Variants in LPP observed in about 807,000 individuals in gnomAD.
LPP encodes the protein LIM domain containing preferred translocation partner in lipoma.
In LPP, 38 loss-of-function variants were observed where a neutral mutation model predicts 60.4. That is an observed-to-expected ratio of 0.63 (90% CI 0.49 to 0.83). LPP has a LOEUF of 0.83. Among genes scored for constraint, LPP ranks in the 40% least tolerant of loss-of-function variants. The pLI, the probability that LPP is intolerant of heterozygous loss-of-function variation, is 0.00. For missense variants in LPP, 902 were observed against 783.6 expected, an observed-to-expected ratio of 1.15 and a Z score of -1.80; for synonymous variants, 328 against 290.8, an observed-to-expected ratio of 1.13 and a Z score of -1.30.
chr3:188,464,044 A>G (rs528336245), intron 4 of LPP, among the ~76,000 whole-genome samples: 2 of 152,328 alleles, frequency 1.3e-5, no homozygotes, highest in East Asian at 3.9e-4. Flanking sequence ...GAAAGAAAGT[A>G]AAACCTAATT....
At chr3:188,820,742 C>A (rs780599059) in intron 9 of LPP, among the ~76,000 whole-genome samples, 2 of 152,130 alleles carry the variant, frequency 1.3e-5, no homozygotes, top group Non-Finnish European at 2.9e-5. Context: ...CTTAAATAAT[C>A]CTTTTTATTG....
chr3:188,159,188 C>T (rs766730655), intron 1 of LPP, among the ~76,000 whole-genome samples: 77 of 152,170 alleles, frequency 5.1e-4, no homozygotes, highest in Non-Finnish European at 8.1e-4. Flanking sequence ...TTTGATCTCA[C>T]GGCTCCGGTA....
intron 2 of LPP, among the ~76,000 whole-genome samples, chr3:188,338,313 G>A (rs567203736): frequency 3.9e-5 from 6 of 152,162 alleles, no homozygotes; most frequent in Non-Finnish European, 8.8e-5. Flanking sequence ...TTTGATGACT[G>A]GAATGCAGGG....
chr3:188,633,414 A>G (rs1180905964), intron 7 of LPP, among the ~76,000 whole-genome samples: 2 of 152,228 alleles, frequency 1.3e-5, no homozygotes, highest in African/African-American at 4.8e-5. Context: ...CTGGTATTGT[A>G]AGGCTTACTG....
At chr3:188,218,729 C>T (rs748243344) in intron 1 of LPP, among the ~76,000 whole-genome samples, 2 of 151,926 alleles carry the variant, frequency 1.3e-5, no homozygotes, top group Non-Finnish European at 2.9e-5. Flanking sequence ...AATTTGGAGG[C>T]GTATGGAAGG....
intron 7 of LPP, among the ~76,000 whole-genome samples, chr3:188,629,623 A>G (rs1184060580): frequency 1.3e-5 from 2 of 152,178 alleles, no homozygotes; most frequent in African/African-American, 4.8e-5. Context: ...AAAAAAATCA[A>G]TATTGTTAAA....
chr3:188,677,469 C>G (rs1858384796), intron 7 of LPP, among the ~76,000 whole-genome samples: 1 of 152,150 alleles, frequency 6.6e-6, no homozygotes, highest in African/African-American at 2.4e-5. Flanking sequence ...GAGATGCCCT[C>G]TTACTCTACT....
rs577369019 is a variant in LPP, at chr3:188,743,783, A to C, written c.1241-16330A>C. On this transcript the variant is annotated intron_variant, in intron 8 of 11. Coordinates refer to ENST00000617246, the MANE Select transcript of LPP (RefSeq NM_001375462.1). ...AAAAAATTTAGAAGAGAAGACAAGGAAAATTAATCACAAGATAGGCAATGA... is the reference window on the plus strand; with the variant it reads ...AAAAAATTTAGAAGAGAAGACAAGGCAAATTAATCACAAGATAGGCAATGA... 9 of 152,266 alleles carry C rather than the reference A, an allele frequency of 5.9e-5. No homozygotes were observed. The South Asian group carries it at 1.9e-3, about 32-fold the overall frequency. 9.4% of individuals were successfully genotyped at this position (152,266 alleles called of 1,614,324 possible). A position where few individuals can be genotyped will look rare whatever the true frequency, so the allele number is the denominator to read the frequency against.
At chr3:188,199,647 G>A (rs1161699656) in intron 1 of LPP, among the ~76,000 whole-genome samples, 1 of 151,932 alleles carries the variant, frequency 6.6e-6, no homozygotes, top group Non-Finnish European at 1.5e-5. Context: ...AAACTAGTTT[G>A]TGTAACTCTG....
chr3:188,828,614 C>CAA (rs71169022), intron 9 of LPP, among the ~76,000 whole-genome samples: 559 of 31,328 alleles, frequency 0.018, 118 homozygotes, highest in African/African-American at 0.049. Context: ...AACTCTGTCT[C>CAA]AAAAAAAAAA....
intron 6 of LPP, among the ~76,000 whole-genome samples, chr3:188,561,032 A>C (rs980305598): frequency 6.6e-6 from 1 of 152,078 alleles, no homozygotes; most frequent in Non-Finnish European, 1.5e-5. Flanking sequence ...TCCTGGCCTG[A>C]ATGTAAATGT....
chr3:188,494,275 C>T (rs1579335400), intron 5 of LPP, among the ~76,000 whole-genome samples: 1 of 152,088 alleles, frequency 6.6e-6, no homozygotes, highest in Non-Finnish European at 1.5e-5. Context: ...ACATGCCATA[C>T]ATGTATGCCA....
intron 5 of LPP, among the ~76,000 whole-genome samples, chr3:188,491,789 A>AT (rs1322187355): frequency 9.2e-5 from 14 of 152,290 alleles, no homozygotes; most frequent in African/African-American, 3.4e-4. Context: ...GAAGATGGAC[A>AT]TTTTTGTTGT....
At chr3:188,730,389 C>A (rs765127586) in intron 8 of LPP, among the ~76,000 whole-genome samples, 2 of 152,126 alleles carry the variant, frequency 1.3e-5, no homozygotes, top group African/African-American at 2.4e-5. Context: ...ACTCTGGAAA[C>A]CTTATTTCCT....
intron 2 of LPP, among the ~76,000 whole-genome samples, chr3:188,281,321 G>A (rs960779830): frequency 3.9e-5 from 6 of 152,032 alleles, no homozygotes; most frequent in African/African-American, 1.5e-4. Context: ...CCAAAGTCAG[G>A]CCAGGCATAG....
At chr3:188,480,363 G>A (rs1804435908) in intron 4 of LPP, among the ~76,000 whole-genome samples, 1 of 152,172 alleles carries the variant, frequency 6.6e-6, no homozygotes, top group Non-Finnish European at 1.5e-5. Flanking sequence ...GGGTTCACAT[G>A]GAGCAAATCA....
intron 4 of LPP, among the ~76,000 whole-genome samples, chr3:188,449,044 G>T (rs1795986224): frequency 6.6e-6 from 1 of 152,178 alleles, no homozygotes; most frequent in Non-Finnish European, 1.5e-5. Flanking sequence ...GTCAAGGTTG[G>T]TTTATTGTGT....
At position 188,889,765 on chromosome 3, in the gene LPP, T is replaced by C; in HGVS notation, c.*15286T>C. Reference sequence around the variant, plus strand: ...TTTCAAGAGTGTGACCACCCTGCTCTAGTCATCATCATTGGATGAATCCAG... The same window carrying C: ...TTTCAAGAGTGTGACCACCCTGCTCCAGTCATCATCATTGGATGAATCCAG... On this transcript the variant is annotated 3_prime_UTR_variant, in exon 12 of 12. Coordinates refer to ENST00000617246, the MANE Select transcript of LPP (RefSeq NM_001375462.1). The C allele has an allele frequency of 4.6e-6, 1 of 218,492 alleles. No homozygotes were observed. Among genetic ancestry groups the C allele is most frequent in the Non-Finnish European group, 9.2e-6 (1 of 108,780 alleles). 13.5% of individuals were successfully genotyped at this position (218,492 alleles called of 1,614,324 possible).
At chr3:188,335,655 G>A (rs557170491) in intron 2 of LPP, among the ~76,000 whole-genome samples, 20 of 151,994 alleles carry the variant, frequency 1.3e-4, no homozygotes, top group Non-Finnish European at 2.5e-4. Context: ...TTGTCTATCT[G>A]TATTTTCTTG....
Sources: allele counts gnomAD v4.1 joint callset (sites outside exome capture counted in the v4.1 genomes callset), GRCh38; gene constraint gnomAD v4.1.1; transcripts MANE v1.5; gene names NCBI Gene and HGNC (gene_info 2026-07-23, HGNC 2026-07-21).